DPYS: variants seen among roughly 807,000 people sequenced by gnomAD.
DPYS encodes the protein dihydropyrimidinase.
Under a neutral mutation model 50.3 loss-of-function variants are expected in DPYS, and 39 were observed. The ratio of observed to expected loss-of-function variants is 0.78; its 90% CI spans 0.60 to 1.01. The LOEUF (loss-of-function observed/expected upper bound fraction) is 1.01. Ranked by LOEUF, DPYS falls within the 50% of genes least tolerant of loss-of-function variation. The pLI, the probability that DPYS is intolerant of heterozygous loss-of-function variation, is 0.00. For missense variants in DPYS, 659 were observed against 680.9 expected (o/e 0.97, Z 0.36); for synonymous variants, 245 against 250.7 (o/e 0.98, Z 0.22).
intron 1 of DPYS, among the ~76,000 whole-genome samples, chr8:104,463,009 A>G (rs1814224748): frequency 6.6e-6 from 1 of 152,236 alleles, no homozygotes; most frequent in Non-Finnish European, 1.5e-5. Flanking sequence ...TAGTTAATGT[A>G]TATTCATTTT....
At chr8:104,383,728 A>G (rs1198738002) in intron 8 of DPYS, among the ~76,000 whole-genome samples, 3 of 151,986 alleles carry the variant, frequency 2.0e-5, no homozygotes, top group African/African-American at 7.3e-5. Flanking sequence ...CAGCCGCCCA[A>G]GTAGCTGGAA....
intron 7 of DPYS, among the ~76,000 whole-genome samples, chr8:104,401,219 T>C (rs1365160572): frequency 6.6e-6 from 1 of 152,120 alleles, no homozygotes; most frequent in Non-Finnish European, 1.5e-5. Flanking sequence ...TCTCTCTACA[T>C]TGTGTTGTGT....
At position 104,381,332 on chromosome 8, in the gene DPYS, A is replaced by G. The variant is rs760136818; in HGVS notation, c.1444-18T>C. 10 of 1,600,022 alleles carry G rather than the reference A, an allele frequency of 6.2e-6. No individual in the cohort carries two copies. The highest frequency in any genetic ancestry group is 3.3e-5 in the Admixed American group (2 of 59,990). Reference sequence around the variant, plus strand: ...GTGCAAGTCTGAAAGAGAACATTTCATTTCTCTCTTGTGGTTTATTTTCTT... The same window carrying G: ...GTGCAAGTCTGAAAGAGAACATTTCGTTTCTCTCTTGTGGTTTATTTTCTT... On this transcript the variant is annotated intron_variant, in intron 8 of 9. Coordinates refer to ENST00000351513, the MANE Select transcript of DPYS (RefSeq NM_001385.3).
At chr8:104,434,304 A>G (rs929692522) in intron 4 of DPYS, among the ~76,000 whole-genome samples, 1 of 152,208 alleles carries the variant, frequency 6.6e-6, no homozygotes, top group African/African-American at 2.4e-5. Flanking sequence ...GAGAGAATAA[A>G]TTGTAAATGG....
chr8:104,445,669 A>G (rs1379400011), intron 3 of DPYS, among the ~76,000 whole-genome samples: 2 of 152,008 alleles, frequency 1.3e-5, no homozygotes, highest in Non-Finnish European at 2.9e-5. Context: ...GAAGGTAGGG[A>G]TGGTTTGTGT....
chr8:104,425,699 A>C (rs1812699909), intron 6 of DPYS, among the ~76,000 whole-genome samples: 1 of 152,164 alleles, frequency 6.6e-6, no homozygotes, highest in Non-Finnish European at 1.5e-5. Context: ...TGAACCAACA[A>C]TTATGGATAG....
chr8:104,379,895 T>A, intron 9 of DPYS, 52 bp from the exon 10 acceptor site: 1 of 454,428 alleles, frequency 2.2e-6, no homozygotes, highest in South Asian at 1.6e-5. Context: ...CACAAAGAGA[T>A]GCAGAATTCA....
intron 7 of DPYS, among the ~76,000 whole-genome samples, chr8:104,403,321 T>C (rs747294347): frequency 1.2e-4 from 19 of 152,188 alleles, no homozygotes; most frequent in Non-Finnish European, 2.2e-4. Context: ...CCATGACCCA[T>C]GGCTTCTAAT....
intron 9 of DPYS, 123 bp downstream of exon 9, chr8:104,381,061 A>G (rs1811013565): frequency 3.6e-6 from 3 of 828,498 alleles, no homozygotes; most frequent in Non-Finnish European, 6.1e-6. Context: ...CCTTGGCTCA[A>G]TTGTCCTTGA....
intron 3 of DPYS, among the ~76,000 whole-genome samples, chr8:104,445,345 A>C (rs1342510628): frequency 6.6e-6 from 1 of 152,228 alleles, no homozygotes; most frequent in Non-Finnish European, 1.5e-5. Flanking sequence ...TGTTCACTAC[A>C]GCCAAGATCT....
At chr8:104,389,980 A>T (rs149404429) in intron 8 of DPYS, among the ~76,000 whole-genome samples, 1 of 152,314 alleles carries the variant, frequency 6.6e-6, no homozygotes, top group East Asian at 1.9e-4. Flanking sequence ...AACTGATGAA[A>T]CCAGTGATTT....
Position 104,452,458 on chromosome 8 carries a change from C to T in DPYS, c.265-1054G>A, listed in dbSNP as rs544236803. On this transcript the variant is annotated intron_variant, in intron 1 of 9. Transcript: ENST00000351513. ...GTGGTAATCTCAGCAATTTCTTAAC[C>T]TCTGTGGCCTTTAATTCGCCATCTG... 5.3e-5 allele frequency among the ~76,000 whole-genome samples: 8 copies of T among 152,266 alleles called. 1 individual carries two copies. The South Asian group carries it at 1.7e-3, about 32-fold the overall frequency.
At chr8:104,463,050 C>T (rs550427901) in intron 1 of DPYS, among the ~76,000 whole-genome samples, 18 of 152,134 alleles carry the variant, frequency 1.2e-4, no homozygotes, top group South Asian at 6.2e-4. Flanking sequence ...ATCTAGTGAT[C>T]GATAAATAGA....
intron 8 of DPYS, among the ~76,000 whole-genome samples, chr8:104,384,177 G>A (rs1322269692): frequency 6.6e-6 from 1 of 152,180 alleles, no homozygotes; most frequent in Non-Finnish European, 1.5e-5. Flanking sequence ...CAGGAGTCCT[G>A]TGCTGTCTCA....
intron 4 of DPYS, 134 bp from the exon 5 acceptor site, chr8:104,429,835 A>T: frequency 8.9e-7 from 1 of 1,122,822 alleles, no homozygotes; most frequent in East Asian, 2.6e-5. Flanking sequence ...CCAAACTATA[A>T]TTTACTTTTG....
intron 7 of DPYS, among the ~76,000 whole-genome samples, chr8:104,395,848 C>CAAAAAAAAAAA (rs3039791): frequency 6.8e-6 from 1 of 148,142 alleles, no homozygotes. Flanking sequence ...TATGCTGCAG[C>CAAAAAAAAAAA]AAAAAAAAAA....
intron 7 of DPYS, among the ~76,000 whole-genome samples, chr8:104,416,263 C>T (rs79562308): frequency 0.058 from 8,882 of 152,176 alleles, 293 homozygotes; most frequent in African/African-American, 0.063. Flanking sequence ...GCTTTGCTAT[C>T]ATATGCTAGA....
In DPYS at chr8:104,382,808, T is replaced by C. The variant is rs79139723; in HGVS notation, c.1444-1494A>G. Among the ~76,000 whole-genome samples, 824 of 152,248 alleles carry C rather than the reference T, an allele frequency of 5.4e-3. 5 individuals are homozygous for C. The highest frequency in any genetic ancestry group is 0.018 in the African/African-American group (732 of 41,526). ...TGGCATTCATACTCAGCAAAGCCGA[T>C]GGTATATTTCAGTTCAATCTTCAGG... On this transcript the variant is annotated intron_variant, in intron 8 of 9. Coordinates refer to ENST00000351513, the MANE Select transcript of DPYS (RefSeq NM_001385.3).
At chr8:104,383,799 G>A (rs915866279) in intron 8 of DPYS, among the ~76,000 whole-genome samples, 3 of 151,964 alleles carry the variant, frequency 2.0e-5, no homozygotes, top group Non-Finnish European at 4.4e-5. Flanking sequence ...ACGGGATTTC[G>A]CCATCTTGGC....
Sources: gnomAD v4.1 joint callset for allele counts (sites outside exome capture counted in the v4.1 genomes callset) on GRCh38, gnomAD v4.1.1 for gene constraint, MANE v1.5 for transcripts, NCBI Gene and HGNC (gene_info 2026-07-23, HGNC 2026-07-21) for gene names.